Variants in MCPH1 observed in about 807,000 individuals in gnomAD.
The protein encoded by MCPH1 is microcephalin.
MCPH1 carries 104 observed loss-of-function variants against 84.5 expected under a neutral mutation model. That is an observed-to-expected ratio of 1.23 (90% CI 1.05 to 1.45). The LOEUF (loss-of-function observed/expected upper bound fraction) is 1.45, where lower values mean the gene tolerates loss of function less well. Among genes scored for constraint, MCPH1 ranks in the 40% most tolerant of loss-of-function variants. The pLI, the probability that MCPH1 is intolerant of heterozygous loss-of-function variation, is 0.00. For missense variants in MCPH1, 1,498 were observed against 1,005.7 expected (o/e 1.49, Z -6.62); for synonymous variants, 514 against 366.8 (o/e 1.40, Z -4.58).
chr8:6,546,373 T>C lies in MCPH1; in HGVS notation c.2214+46444T>C, dbSNP rs902865016. ...CTCTGTAAAGCTAGGTTTTTGGTGGTTGCTGTTTGTGAAAAGCAAGTGCTA... is the reference window on the plus strand; with the variant it reads ...CTCTGTAAAGCTAGGTTTTTGGTGGCTGCTGTTTGTGAAAAGCAAGTGCTA... On this transcript the variant is annotated intron_variant, in intron 12 of 13. Transcript: ENST00000344683. Among the ~76,000 whole-genome samples, 5 of 152,192 alleles carry C rather than the reference T, an allele frequency of 3.3e-5. No individual in the cohort carries two copies. The South Asian group carries it at 1.0e-3, about 32-fold the overall frequency.
At chr8:6,531,044 A>G (rs1246123639) in intron 12 of MCPH1, among the ~76,000 whole-genome samples, 1 of 152,162 alleles carries the variant, frequency 6.6e-6, no homozygotes, top group East Asian at 1.9e-4. Flanking sequence ...GAAGCCACTG[A>G]CTTCAGAAGC....
chr8:6,623,401 C>T (rs1831693396), intron 13 of MCPH1, among the ~76,000 whole-genome samples: 1 of 151,840 alleles, frequency 6.6e-6, no homozygotes, highest in Non-Finnish European at 1.5e-5. Context: ...TCTCTCTTTG[C>T]TTCCATCTCC....
Position 6,617,629 on chromosome 8 carries a change from G to C in MCPH1, c.2215-3825G>C, listed in dbSNP as rs557687905. Among the ~76,000 whole-genome samples, 31 of 152,098 alleles carry C rather than the reference G, an allele frequency of 2.0e-4. 1 individual carries two copies. Among genetic ancestry groups the C allele is most frequent in the African/African-American group, 6.3e-4 (26 of 41,460 alleles). ...CTGGGGTGTGTGCATGTGTGTGTGT[G>C]TGTAAAGGTTTGCAATGAAATTAGA... is the stretch of plus-strand genomic sequence containing the variant. On this transcript the variant is annotated intron_variant, in intron 12 of 13. Transcript: ENST00000344683.
chr8:6,564,583 G>GATTT (rs1554456437), intron 12 of MCPH1, among the ~76,000 whole-genome samples: 3 of 151,734 alleles, frequency 2.0e-5, no homozygotes, highest in Non-Finnish European at 4.4e-5. Context: ...CCTTTGCTGC[G>GATTT]GTTTATCTCT....
chr8:6,478,212 C>A (rs928187945), intron 10 of MCPH1, among the ~76,000 whole-genome samples: 2 of 152,166 alleles, frequency 1.3e-5, no homozygotes, highest in East Asian at 3.8e-4. Flanking sequence ...AACATTGGAA[C>A]ATTTCAGTGA....
At chr8:6,482,788 G>C (rs1809402236) in intron 11 of MCPH1, among the ~76,000 whole-genome samples, 1 of 152,092 alleles carries the variant, frequency 6.6e-6, no homozygotes, top group South Asian at 2.1e-4. Flanking sequence ...TATCTCTTCT[G>C]GGATTACCTG....
intron 13 of MCPH1, among the ~76,000 whole-genome samples, chr8:6,628,425 A>T (rs1311520434): frequency 7.1e-6 from 1 of 141,834 alleles, no homozygotes; most frequent in Non-Finnish European, 1.5e-5. Flanking sequence ...AGCCGAGATC[A>T]CGCCACTGCA....
At chr8:6,633,976 A>G (rs1326471129) in intron 13 of MCPH1, among the ~76,000 whole-genome samples, 3 of 152,246 alleles carry the variant, frequency 2.0e-5, no homozygotes, top group Non-Finnish European at 2.9e-5. Context: ...AGCGTCTTAC[A>G]GAAGAGTATG....
chr8:6,465,721 A>T (rs1337688714), intron 9 of MCPH1, among the ~76,000 whole-genome samples: 1 of 152,178 alleles, frequency 6.6e-6, no homozygotes, highest in Non-Finnish European at 1.5e-5. Flanking sequence ...TTCCACTGAC[A>T]TCAGAGACTC....
At chr8:6,483,417 T>C (rs1201416250) in intron 11 of MCPH1, among the ~76,000 whole-genome samples, 5 of 152,206 alleles carry the variant, frequency 3.3e-5, no homozygotes, top group African/African-American at 1.2e-4. Context: ...TACCTGCTTT[T>C]GGGGCATCCT....
At chr8:6,593,590 G>C (rs1040361683) in intron 12 of MCPH1, among the ~76,000 whole-genome samples, 6 of 150,878 alleles carry the variant, frequency 4.0e-5, no homozygotes, top group African/African-American at 1.5e-4. Flanking sequence ...CTGACCTCAG[G>C]TGATCCACCC....
At chr8:6,559,110 G>A (rs1051155402) in intron 12 of MCPH1, among the ~76,000 whole-genome samples, 1 of 152,070 alleles carries the variant, frequency 6.6e-6, no homozygotes, top group Non-Finnish European at 1.5e-5. Context: ...GGAGGACCAC[G>A]GGAGACCAGT....
At chr8:6,494,871 C>T (rs1024925289) in intron 11 of MCPH1, among the ~76,000 whole-genome samples, 2 of 152,112 alleles carry the variant, frequency 1.3e-5, no homozygotes, top group African/African-American at 4.8e-5. Flanking sequence ...GAATTGCACA[C>T]TTTAAAATGG....
intron 12 of MCPH1, among the ~76,000 whole-genome samples, chr8:6,556,289 A>G (rs1395772279): frequency 6.6e-6 from 1 of 152,196 alleles, no homozygotes; most frequent in African/African-American, 2.4e-5. Flanking sequence ...TCATATAATT[A>G]TACCTGATAT....
chr8:6,432,632 T>A (rs1216727984), intron 4 of MCPH1, among the ~76,000 whole-genome samples: 3 of 152,262 alleles, frequency 2.0e-5, no homozygotes, highest in Non-Finnish European at 2.9e-5. Flanking sequence ...ATTTGATGAC[T>A]TTCTCCAAAC....
intron 12 of MCPH1, chr8:6,513,636 A>T (rs1223699710): frequency 1.9e-6 from 3 of 1,574,416 alleles, no homozygotes; most frequent in African/African-American, 2.7e-5. Context: ...CCCGGCCACA[A>T]ATCTTTTAAT....
rs143676781 is a variant in MCPH1 at position 6,490,295 on chromosome 8, T to C, written c.2136+9419T>C. Among the ~76,000 whole-genome samples the C allele has an allele frequency of 3.5e-4, 53 of 152,362 alleles. 1 individual carries two copies. The highest frequency in any genetic ancestry group is 1.2e-3 in the African/African-American group (50 of 41,598). On this transcript the variant is annotated intron_variant, in intron 11 of 13. Transcript: ENST00000344683. Reference sequence around the variant, plus strand: ...AGAATATTTTAACTTCAGGTATTCATTGGAAAATTCAACCATGGTTTGGTT... The same window carrying C: ...AGAATATTTTAACTTCAGGTATTCACTGGAAAATTCAACCATGGTTTGGTT...
At chr8:6,627,254 C>T in intron 13 of MCPH1, 2 of 985,474 alleles carry the variant, frequency 2.0e-6, no homozygotes, top group Non-Finnish European at 2.4e-6. Context: ...CCGCAGTCCA[C>T]ATCTCCATTG....
At chr8:6,424,528 T>G (rs1267976942) in intron 3 of MCPH1, among the ~76,000 whole-genome samples, 1 of 152,206 alleles carries the variant, frequency 6.6e-6, no homozygotes, top group African/African-American at 2.4e-5. Flanking sequence ...CTCCTCAGCC[T>G]TCTCACCCTG....
Sources: allele counts gnomAD v4.1 joint callset (sites outside exome capture counted in the v4.1 genomes callset), GRCh38; gene constraint gnomAD v4.1.1; transcripts MANE v1.5; gene names NCBI Gene and HGNC (gene_info 2026-07-23, HGNC 2026-07-21).